Variants in FSTL5 observed in about 807,000 individuals in gnomAD.
FSTL5 encodes follistatin like 5.
Under a neutral mutation model 89.1 loss-of-function variants are expected in FSTL5, and 62 were observed. The ratio of observed to expected loss-of-function variants is 0.70; its 90% CI spans 0.57 to 0.86. The LOEUF (loss-of-function observed/expected upper bound fraction) is 0.86, where lower values mean the gene tolerates loss of function less well. Ranked by LOEUF, FSTL5 falls within the 40% of genes least tolerant of loss-of-function variation. The pLI, the probability that FSTL5 is intolerant of heterozygous loss-of-function variation, is 0.00. For missense variants in FSTL5, 1,057 were observed against 1,001.6 expected (o/e 1.06, Z -0.75); for synonymous variants, 383 against 346.2 (o/e 1.11, Z -1.18).
chr4:161,386,289 C>T lies in FSTL5; in HGVS notation c.2002G>A (p.Asp668Asn). The T allele has an allele frequency of 6.2e-7, 1 of 1,613,956 alleles. No individual in the cohort carries two copies. Among genetic ancestry groups the T allele is most frequent in the East Asian group, 2.2e-5 (1 of 44,854 alleles). The part of the protein sequence containing the change: ...GGYYFIGCKP[D>N]STGAVSPQVM... ...TGTGGGGAAACTGCTCCGGTGCTGT[C>T]AGGTTTGCAGCCAATGAAGTAGTAG... The change falls in exon 16 of 16, where the codon GAC becomes AAC. Residue 668 changes from aspartate to asparagine, a missense_variant. This residue lies in a region of FSTL5 where 980 missense variants were observed against 903.2 expected (regional missense o/e 1.08). Transcript: ENST00000306100.
intron 2 of FSTL5, among the ~76,000 whole-genome samples, chr4:162,034,420 C>G (rs113439508): frequency 0.01 from 1,542 of 152,122 alleles, 29 homozygotes; most frequent in African/African-American, 0.034. Flanking sequence ...TTTAGTTTAA[C>G]TTAGAATTGG....
intron 4 of FSTL5, among the ~76,000 whole-genome samples, chr4:161,823,110 G>A (rs1730545548): frequency 6.6e-6 from 1 of 152,118 alleles, no homozygotes; most frequent in Non-Finnish European, 1.5e-5. Flanking sequence ...ATTTATGGCT[G>A]GCCATTGGCA....
intron 4 of FSTL5, 65 bp from the exon 5 acceptor site, chr4:161,776,139 G>C: frequency 1.2e-6 from 1 of 827,212 alleles, no homozygotes; most frequent in Non-Finnish European, 1.7e-6. Context: ...ATTTAATTAA[G>C]GTTTAGAAGT....
At chr4:161,855,502 G>T (rs1731694050) in intron 4 of FSTL5, among the ~76,000 whole-genome samples, 1 of 152,046 alleles carries the variant, frequency 6.6e-6, no homozygotes, top group South Asian at 2.1e-4. Flanking sequence ...GATAAAGACA[G>T]AAATTTGCTA....
At chr4:161,756,900 C>T (rs768325889) in intron 6 of FSTL5, among the ~76,000 whole-genome samples, 2 of 152,044 alleles carry the variant, frequency 1.3e-5, no homozygotes, top group Non-Finnish European at 2.9e-5. Flanking sequence ...AAACTATATA[C>T]GATTGAAATT....
At chr4:161,642,698 T>C (rs1736006476) in intron 7 of FSTL5, among the ~76,000 whole-genome samples, 1 of 152,178 alleles carries the variant, frequency 6.6e-6, no homozygotes, top group Non-Finnish European at 1.5e-5. Context: ...GTGAAATAAG[T>C]ACCCAAAGAG....
chr4:161,948,467 A>C (rs187815377), intron 3 of FSTL5, among the ~76,000 whole-genome samples: 155 of 141,198 alleles, frequency 1.1e-3, no homozygotes, highest in African/African-American at 3.7e-3. Flanking sequence ...ACATGAACGG[A>C]ATTTTTTTCT....
rs542868032 is a variant in FSTL5, at chr4:161,394,853, G to T, written c.1842-8404C>A. Among the ~76,000 whole-genome samples, 22 of 152,252 alleles carry T rather than the reference G, an allele frequency of 1.4e-4. No individual in the cohort carries two copies. The East Asian group carries it at 4.0e-3, about 28-fold the overall frequency. ...GAAAATAAAGTCAAAGTTGTGTTTT[G>T]CTTTTAGGGTCTTCAAATTATCTCT... On this transcript the variant is annotated intron_variant, in intron 15 of 15. Coordinates refer to ENST00000306100, the MANE Select transcript of FSTL5 (RefSeq NM_020116.5).
chr4:161,856,012 T>A (rs536707004), intron 4 of FSTL5, among the ~76,000 whole-genome samples: 1 of 152,116 alleles, frequency 6.6e-6, no homozygotes. Context: ...TTTTTAAGGG[T>A]TTATATGCAT....
intron 4 of FSTL5, among the ~76,000 whole-genome samples, chr4:161,813,626 G>T (rs891740100): frequency 1.3e-5 from 2 of 152,086 alleles, no homozygotes; most frequent in African/African-American, 2.4e-5. Flanking sequence ...GTGTTGTATC[G>T]CCACAGGCTT....
At chr4:161,599,106 A>C (rs1462899402) in intron 7 of FSTL5, among the ~76,000 whole-genome samples, 1 of 152,142 alleles carries the variant, frequency 6.6e-6, no homozygotes, top group East Asian at 1.9e-4. Flanking sequence ...AAAGGGAAAA[A>C]CAAAAGACTA....
chr4:161,829,447 G>T (rs1006827524), intron 4 of FSTL5, among the ~76,000 whole-genome samples: 6 of 150,518 alleles, frequency 4.0e-5, no homozygotes, highest in Non-Finnish European at 7.4e-5. Context: ...AGATTTTTAA[G>T]CTAAAAATCT....
chr4:162,030,789 C>T (rs1553992865), intron 3 of FSTL5, among the ~76,000 whole-genome samples: 1 of 152,128 alleles, frequency 6.6e-6, no homozygotes, highest in Non-Finnish European at 1.5e-5. Flanking sequence ...TTACTGAAAT[C>T]TCAAACTCTA....
At chr4:161,854,005 T>C (rs1045343631) in intron 4 of FSTL5, among the ~76,000 whole-genome samples, 1 of 152,194 alleles carries the variant, frequency 6.6e-6, no homozygotes, top group Admixed American at 6.5e-5. Context: ...TCTACCACCA[T>C]AGTAAATAAT....
chr4:161,893,970 C>T (rs1319361884), intron 4 of FSTL5, among the ~76,000 whole-genome samples: 3 of 152,130 alleles, frequency 2.0e-5, no homozygotes, highest in African/African-American at 7.2e-5. Flanking sequence ...GAAGGAATGC[C>T]TGAAGACCTG....
chr4:161,999,277 G>A (rs1736391087), intron 3 of FSTL5, among the ~76,000 whole-genome samples: 1 of 152,096 alleles, frequency 6.6e-6, no homozygotes, highest in South Asian at 2.1e-4. Context: ...GCTATGACAT[G>A]TGAACCAAAA....
chr4:161,555,220 C>G (rs1732349062), intron 8 of FSTL5, among the ~76,000 whole-genome samples: 1 of 151,422 alleles, frequency 6.6e-6, no homozygotes, highest in Non-Finnish European at 1.5e-5. Flanking sequence ...TTGAAAGAGA[C>G]AGTTCACCCT....
intron 8 of FSTL5, 139 bp from the exon 9 acceptor site, chr4:161,542,832 A>C (rs1731878227): frequency 4.4e-6 from 2 of 452,782 alleles, no homozygotes; most frequent in Admixed American, 8.9e-5. Context: ...TGTAGTTTCC[A>C]AATAGCATTA....
chr4:162,069,009 A>G (rs1216182145), intron 2 of FSTL5, among the ~76,000 whole-genome samples: 3 of 152,022 alleles, frequency 2.0e-5, no homozygotes, highest in Non-Finnish European at 2.9e-5. Flanking sequence ...ATCTCACACC[A>G]CTCAGAATGG....
Sources: gnomAD v4.1 joint callset for allele counts (sites outside exome capture counted in the v4.1 genomes callset) on GRCh38, gnomAD v4.1.1 for gene constraint, gnomAD v4.1.1 regional missense constraint, MANE v1.5 for transcripts, NCBI Gene and HGNC (gene_info 2026-07-23, HGNC 2026-07-21) for gene names.